The following ROBO1 variants were observed in gnomAD, a reference collection of about 807,000 sequenced individuals.
The protein encoded by ROBO1 is roundabout homolog 1.
ROBO1 carries 149 observed loss-of-function variants against 195.9 expected under a neutral mutation model. The ratio of observed to expected loss-of-function variants is 0.76; its 90% confidence interval spans 0.67 to 0.87. ROBO1 has a LOEUF of 0.87. Among genes scored for constraint, ROBO1 ranks in the 40% least tolerant of loss-of-function variants. The probability of loss-of-function intolerance (pLI) is 0.00; values close to 1 mark genes in which losing one functional copy is unlikely to be tolerated. For synonymous variants in ROBO1, 816 were observed against 733.2 expected (o/e 1.11, Z -1.82); for missense variants, 1,933 against 2,068.3 (o/e 0.93, Z 1.27).
chr3:79,339,071 C>T (rs80251713), intron 2 of ROBO1, among the ~76,000 whole-genome samples: 1,526 of 152,256 alleles, frequency 0.01, 12 homozygotes, highest in Middle Eastern at 0.034. Context: ...CCAATACCTT[C>T]AAAATATGTC....
At chr3:79,127,573 C>T (rs947810820) in intron 2 of ROBO1, among the ~76,000 whole-genome samples, 9 of 152,174 alleles carry the variant, frequency 5.9e-5, no homozygotes, top group Admixed American at 2.0e-4. Context: ...AAATACTATA[C>T]AGATTCATCC....
intron 4 of ROBO1, among the ~76,000 whole-genome samples, chr3:78,766,804 C>A (rs563298282): frequency 1.3e-5 from 2 of 152,156 alleles, no homozygotes; most frequent in African/African-American, 2.4e-5. Context: ...GTATGCCAAT[C>A]TTGCTGAGAG....
At chr3:79,374,133 T>C (rs1428114138) in intron 2 of ROBO1, among the ~76,000 whole-genome samples, 1 of 152,204 alleles carries the variant, frequency 6.6e-6, no homozygotes, top group East Asian at 1.9e-4. Flanking sequence ...GTATCAGTCA[T>C]GGAACCTCTT....
At chr3:79,191,720 C>T (rs946957425) in intron 2 of ROBO1, among the ~76,000 whole-genome samples, 1 of 151,298 alleles carries the variant, frequency 6.6e-6, no homozygotes. Flanking sequence ...TTAATGGGAG[C>T]AGTTATAACA....
chr3:79,390,385 C>T (rs2036904158), intron 2 of ROBO1, among the ~76,000 whole-genome samples: 1 of 152,024 alleles, frequency 6.6e-6, no homozygotes, highest in South Asian at 2.1e-4. Flanking sequence ...AGTGACTCTA[C>T]AAGCTCATTT....
chr3:79,117,861 T>A (rs1401449108), intron 3 of ROBO1, among the ~76,000 whole-genome samples: 15 of 152,184 alleles, frequency 9.9e-5, no homozygotes, highest in Admixed American at 9.8e-4. Flanking sequence ...GAAAAATTCA[T>A]CATTGTCCAA....
chr3:78,888,021 A>C (rs2036664832), intron 4 of ROBO1, among the ~76,000 whole-genome samples: 1 of 152,180 alleles, frequency 6.6e-6, no homozygotes. Flanking sequence ...ACGAGTGAAA[A>C]GATCATAAGG....
chr3:79,011,331 C>A (rs2077770375), intron 3 of ROBO1, among the ~76,000 whole-genome samples: 1 of 152,100 alleles, frequency 6.6e-6, no homozygotes, highest in Non-Finnish European at 1.5e-5. Flanking sequence ...ATTTCTTTAG[C>A]CAAATTAAAA....
intron 1 of ROBO1, among the ~76,000 whole-genome samples, chr3:79,665,485 T>C (rs1946450854): frequency 6.6e-6 from 1 of 151,944 alleles, no homozygotes; most frequent in Non-Finnish European, 1.5e-5. Context: ...AATTGAAATA[T>C]TCCTTTATAG....
intron 4 of ROBO1, among the ~76,000 whole-genome samples, chr3:78,827,528 T>C (rs1310167157): frequency 6.6e-6 from 1 of 152,166 alleles, no homozygotes; most frequent in Non-Finnish European, 1.5e-5. Flanking sequence ...GTTTTTCTAG[T>C]GTATACTGCT....
intron 4 of ROBO1, among the ~76,000 whole-genome samples, chr3:78,753,522 T>G: frequency 6.6e-6 from 1 of 152,176 alleles, no homozygotes; most frequent in African/African-American, 2.4e-5. Context: ...GGATCAATTT[T>G]TTTTTAATTT....
At chr3:79,103,678 C>G (rs1228700225) in intron 3 of ROBO1, among the ~76,000 whole-genome samples, 2 of 151,630 alleles carry the variant, frequency 1.3e-5, no homozygotes, top group African/African-American at 4.8e-5. Context: ...TTTATCACAT[C>G]TAAAGTCTCT....
At chr3:78,896,901 T>C (rs1559975061) in intron 4 of ROBO1, among the ~76,000 whole-genome samples, 1 of 152,134 alleles carries the variant, frequency 6.6e-6, no homozygotes, top group East Asian at 1.9e-4. Context: ...ACACCACTAA[T>C]CCTAACAATG....
chr3:79,668,682 A>G (rs975895731), intron 1 of ROBO1, among the ~76,000 whole-genome samples: 4 of 151,684 alleles, frequency 2.6e-5, no homozygotes, highest in African/African-American at 9.7e-5. Flanking sequence ...ACACACACGC[A>G]TTATACATGT....
At chr3:79,394,925 G>C (rs1190272930) in intron 2 of ROBO1, among the ~76,000 whole-genome samples, 2 of 152,074 alleles carry the variant, frequency 1.3e-5, no homozygotes, top group Non-Finnish European at 2.9e-5. Flanking sequence ...CACAGAATGT[G>C]GCTTTATGGA....
chr3:78,860,502 G>T (rs1262487043), intron 4 of ROBO1, among the ~76,000 whole-genome samples: 1 of 151,566 alleles, frequency 6.6e-6, no homozygotes, highest in Admixed American at 6.6e-5. Context: ...GACTAAGAGA[G>T]ATGACCAAAA....
intron 3 of ROBO1, among the ~76,000 whole-genome samples, chr3:79,087,438 C>T (rs2079391715): frequency 6.6e-6 from 1 of 151,972 alleles, no homozygotes; most frequent in Non-Finnish European, 1.5e-5. Flanking sequence ...ATACTCCTAA[C>T]CAATTTTTCT....
chr3:79,599,024 C>T (rs1281251784), intron 1 of ROBO1, among the ~76,000 whole-genome samples: 1 of 152,068 alleles, frequency 6.6e-6, no homozygotes, highest in Non-Finnish European at 1.5e-5. Context: ...CTGCCACCTC[C>T]ACCAGAGCAG....
intron 3 of ROBO1, among the ~76,000 whole-genome samples, chr3:78,939,406 A>G (rs1021452237): frequency 6.6e-6 from 1 of 151,490 alleles, no homozygotes; most frequent in Non-Finnish European, 1.5e-5. Context: ...CGAGGTCAGG[A>G]GATCAAGACC....
Sources: gnomAD v4.1 joint callset for allele counts (sites outside exome capture counted in the v4.1 genomes callset) on GRCh38, gnomAD v4.1.1 for gene constraint, MANE v1.5 for transcripts, NCBI Gene and HGNC (gene_info 2026-07-23, HGNC 2026-07-21) for gene names.